Variants in DST observed in about 807,000 individuals in gnomAD.
DST encodes bullous pemphigoid antigen.
A neutral mutation model predicts 875.2 loss-of-function variants in DST; 253 were observed. The ratio of observed to expected loss-of-function variants is 0.29; its 90% CI spans 0.26 to 0.32. DST has a LOEUF of 0.32. Among genes scored for constraint, DST ranks in the 10% least tolerant of loss-of-function variants. DST has a pLI of 1.00. For missense variants in DST, 8,287 were observed against 9,111.6 expected, an observed-to-expected ratio of 0.91 and a Z score of 3.68; for synonymous variants, 3,124 against 3,197.1, an observed-to-expected ratio of 0.98 and a Z score of 0.77.
chr6:56,703,595 C>T (rs892427554), intron 7 of DST, 53 bp downstream of exon 7: 3 of 705,276 alleles, frequency 4.3e-6, no homozygotes, highest in South Asian at 1.3e-4. Context: ...ATCAGGTTAG[C>T]GCTCACCGCA....
intron 4 of DST, among the ~76,000 whole-genome samples, chr6:56,847,991 C>A (rs1265282421): frequency 6.6e-6 from 1 of 152,112 alleles, no homozygotes; most frequent in African/African-American, 2.4e-5. Context: ...TCTGAGGTAT[C>A]CACCACCTTA....
chr6:56,665,555 G>A (rs933070162), intron 10 of DST, among the ~76,000 whole-genome samples: 1 of 152,058 alleles, frequency 6.6e-6, no homozygotes, highest in African/African-American at 2.4e-5. Context: ...ATATGAAGAT[G>A]AGAATTCAGA....
At chr6:56,495,245 C>T (rs1048713849) in intron 82 of DST, among the ~76,000 whole-genome samples, 1 of 151,808 alleles carries the variant, frequency 6.6e-6, no homozygotes, top group African/African-American at 2.4e-5. Flanking sequence ...ATTTCTAGCA[C>T]AACAAAATCA....
chr6:56,591,624 T>A (rs2098273770), intron 49 of DST, among the ~76,000 whole-genome samples: 1 of 151,976 alleles, frequency 6.6e-6, no homozygotes, highest in Non-Finnish European at 1.5e-5. Flanking sequence ...TGAGTTTTGT[T>A]TGGGGATGGA....
At position 56,517,671 on chromosome 6, in the gene DST, G is replaced by A. The variant is rs535123976; in HGVS notation, c.18130-51C>T. 13 of 1,563,484 alleles carry A rather than the reference G, an allele frequency of 8.3e-6. No individual in the cohort carries two copies. In the East Asian group the frequency reaches 2.5e-4, roughly 30 times the overall value. On this transcript the variant is annotated intron_variant, in intron 69 of 103. Coordinates refer to ENST00000680361, the MANE Select transcript of DST (RefSeq NM_001374736.1). ...CAGCACGTTCCCGTTCCTGATGCCA[G>A]AAAATACCTATCTACAGTTCTTTGA...
chr6:56,789,008 A>G (rs1407887181), intron 4 of DST, among the ~76,000 whole-genome samples: 1 of 152,204 alleles, frequency 6.6e-6, no homozygotes, highest in African/African-American at 2.4e-5. Flanking sequence ...AAATGGTACA[A>G]TATGAAATAC....
In DST at chr6:56,517,597, C is replaced by T. The variant is rs549420829; in HGVS notation, c.18153G>A (p.Glu6051=). The T allele has an allele frequency of 6.2e-7, 1 of 1,613,070 alleles. No individual in the cohort carries two copies. Among genetic ancestry groups the T allele is most frequent in the South Asian group, 1.1e-5 (1 of 91,000 alleles). The change falls in exon 70 of 104, where the codon GAG becomes GAA. Residue 6051 remains glutamate (E), a synonymous_variant. Coordinates refer to ENST00000680361, the MANE Select transcript of DST (RefSeq NM_001374736.1). ...TTTCTGTTTCAGTAATCCAGGATAA[C>T]TCAGCATCAGCTGCTTGGTCAAACT... is the stretch of plus-strand genomic sequence containing the variant. The part of the protein sequence containing the change: ...SQQFDQAADA[E]LSWITETEKK...
rs776397027 is a variant in DST at position 56,601,448 on chromosome 6, G to A, written c.11536C>T (p.Gln3846Ter). 6.3e-7 allele frequency: 1 copy of A among 1,584,338 alleles called. No homozygotes were observed. Among genetic ancestry groups the A allele is most frequent in the Non-Finnish European group, 8.6e-7 (1 of 1,163,340 alleles). The change falls in exon 44 of 104, where the codon CAG (glutamine) becomes TAG (stop). Residue 3846 changes from glutamine to a stop codon, truncating the protein, a stop_gained. Transcript: ENST00000680361. LOFTEE classifies it high-confidence loss of function. ...CTCCACGAAGAAAGGCAAACCTTCT[G>A]ATCATCAAGATCTTGTTCTAGATGT... Reference protein sequence around the residue: ...QLHLEQDLDDQKIVAERQQEY... With the variant: ...QLHLEQDLDD
chr6:56,692,595 T>C (rs1417086162), intron 9 of DST: 5 of 1,289,668 alleles, frequency 3.9e-6, no homozygotes, highest in Middle Eastern at 2.1e-4. Context: ...GAATAGAGCT[T>C]AAGCTGGCTG....
chr6:56,676,694 TA>T (rs34164286), intron 9 of DST, among the ~76,000 whole-genome samples: 100,735 of 143,680 alleles, frequency 0.7, 35,857 homozygotes, highest in African/African-American at 0.87. Context: ...TGATCAGCCT[TA>T]AAAAAAAAAA....
intron 4 of DST, among the ~76,000 whole-genome samples, chr6:56,824,849 G>A (rs560133168): frequency 7.2e-5 from 11 of 151,748 alleles, no homozygotes; most frequent in East Asian, 3.9e-4. Context: ...TCTCCGCCCC[G>A]CAGCCACCCC....
In DST at chr6:56,473,982, G is replaced by A. The variant is rs764924172; in HGVS notation, c.21885C>T (p.Thr7295=). The change falls in exon 93 of 104, where the codon ACC becomes ACT. Residue 7295 remains threonine (T), a synonymous_variant. Coordinates refer to ENST00000680361, the MANE Select transcript of DST (RefSeq NM_001374736.1). ...AEHQTFMEEM[T]RKQPDVDKVT... ...CTTTATCAACATCAGGCTGTTTTCT[G>A]GTCATTTCCTCCATGAAGGTCTGAA... 4.9e-5 allele frequency: 78 copies of A among 1,578,796 alleles called. No individual in the cohort carries two copies. The highest frequency in any genetic ancestry group is 6.5e-5 in the Non-Finnish European group (75 of 1,160,202).
chr6:56,641,982 A>G lies in DST; in HGVS notation c.1992T>C (p.Asp664=). ...QHVIDVQILI[D]GKYYQADQLV... ...ATTGATCTGCCTGGTAGTATTTTCC[A>G]TCAATAAGAATCTGTACATCAATTA... is the stretch of plus-strand genomic sequence containing the variant. The change falls in exon 17 of 104, where the codon GAT becomes GAC. Residue 664 remains aspartate, a synonymous_variant. Transcript: ENST00000680361. The G allele has an allele frequency of 1.2e-6, 2 of 1,613,534 alleles. No individual in the cohort carries two copies. The highest frequency in any genetic ancestry group is 2.2e-5 in the East Asian group (1 of 44,810).
intron 63 of DST, among the ~76,000 whole-genome samples, chr6:56,534,624 C>A (rs889776120): frequency 6.6e-6 from 1 of 152,102 alleles, no homozygotes; most frequent in Non-Finnish European, 1.5e-5. Context: ...TAGGGATCAA[C>A]CTAATATATA....
intron 4 of DST, among the ~76,000 whole-genome samples, chr6:56,744,292 A>AT (rs779696529): frequency 1.6e-4 from 24 of 152,184 alleles, no homozygotes; most frequent in Non-Finnish European, 3.1e-4. Context: ...TTACATCAGA[A>AT]TTTAAGGCAG....
intron 55 of DST, among the ~76,000 whole-genome samples, chr6:56,565,432 T>C (rs1334320372): frequency 6.6e-6 from 1 of 152,208 alleles, no homozygotes; most frequent in Non-Finnish European, 1.5e-5. Context: ...AGTCCCTCTT[T>C]TTCTATTGTT....
chr6:56,628,471 A>T (rs1002235826), intron 32 of DST, among the ~76,000 whole-genome samples: 5 of 152,234 alleles, frequency 3.3e-5, no homozygotes, highest in Admixed American at 1.3e-4. Context: ...TATCAATTAC[A>T]GTGTCTTGAA....
chr6:56,742,388 C>T, intron 4 of DST: 2 of 1,281,698 alleles, frequency 1.6e-6, no homozygotes, highest in Non-Finnish European at 2.0e-6. Flanking sequence ...TCCGTACAAA[C>T]TCTGATGTGT....
At position 56,625,179 on chromosome 6, in the gene DST, G is replaced by A. The variant is rs1226250445; in HGVS notation, c.4808C>T (p.Ser1603Leu). 1 of 1,612,506 alleles carries A rather than the reference G, an allele frequency of 6.2e-7. No individual in the cohort carries two copies. Among genetic ancestry groups the A allele is most frequent in the Non-Finnish European group, 8.5e-7 (1 of 1,178,688 alleles). The change falls in exon 35 of 104, where the codon TCA becomes TTA. Residue 1603 changes from serine to leucine, a missense_variant. Coordinates refer to ENST00000680361, the MANE Select transcript of DST (RefSeq NM_001374736.1). ...SPVKRRRMQS[S>L]ADLIIQEFMD... ...TACCTCTTGAATAATGAGATCTGCT[G>A]AACTCTGCATTCTTCGGCGTTTCAC...
Sources: allele counts gnomAD v4.1 joint callset (sites outside exome capture counted in the v4.1 genomes callset), GRCh38; gene constraint gnomAD v4.1.1; transcripts MANE v1.5; gene names NCBI Gene and HGNC (gene_info 2026-07-23, HGNC 2026-07-21).